The following DLGAP2 variants were observed in gnomAD, a reference collection of about 807,000 sequenced individuals.
DLGAP2 encodes the protein disks large-associated protein 2.
Under a neutral mutation model 100.3 loss-of-function variants are expected in DLGAP2, and 26 were observed. That is an observed-to-expected ratio of 0.26 (90% CI 0.19 to 0.36). The LOEUF is 0.36. Among genes scored for constraint, DLGAP2 ranks in the 10% least tolerant of loss-of-function variants. The pLI is 1.00. For missense variants in DLGAP2, 1,858 were observed against 1,453.2 expected, an observed-to-expected ratio of 1.28 and a Z score of -4.53; for synonymous variants, 886 against 630.1, an observed-to-expected ratio of 1.41 and a Z score of -6.08.
chr8:1,485,995 C>G (rs1420780647), intron 3 of DLGAP2, among the ~76,000 whole-genome samples: 2 of 152,092 alleles, frequency 1.3e-5, no homozygotes, highest in African/African-American at 4.8e-5. Context: ...CCACTGCACT[C>G]CAGCCTGGGT....
At chr8:771,650 T>A (rs923531218) in intron 1 of DLGAP2, among the ~76,000 whole-genome samples, 7 of 152,212 alleles carry the variant, frequency 4.6e-5, no homozygotes, top group Non-Finnish European at 1.0e-4. Flanking sequence ...AACCCCTACC[T>A]TGCTACCCAG....
intron 3 of DLGAP2, among the ~76,000 whole-genome samples, chr8:1,469,637 A>G (rs1224027130): frequency 1.3e-5 from 2 of 152,178 alleles, no homozygotes; most frequent in Non-Finnish European, 2.9e-5. Context: ...TCACCAATGC[A>G]TCTGCCTCAC....
At position 1,494,142 on chromosome 8, in the gene DLGAP2, C is replaced by T. The variant is rs1799476818; in HGVS notation, c.107-7224C>T. Among the ~76,000 whole-genome samples the T allele has an allele frequency of 2.0e-5, 3 of 152,206 alleles. No individual in the cohort carries two copies. In the South Asian group the frequency reaches 6.2e-4, roughly 32 times the overall value. On this transcript the variant is annotated intron_variant, in intron 3 of 14. Coordinates refer to ENST00000637795, the MANE Select transcript of DLGAP2 (RefSeq NM_001346810.2). ...CACAGTGGACGAAAGTGGGTCATGT[C>T]CTTCTCTTGGTGTTTATGAGGTGAT...
At chr8:1,173,668 G>A (rs576688305) in intron 2 of DLGAP2, among the ~76,000 whole-genome samples, 18 of 152,280 alleles carry the variant, frequency 1.2e-4, no homozygotes, top group Admixed American at 3.3e-4. Context: ...CGTTATGGGC[G>A]TAGGACCCTC....
intron 2 of DLGAP2, among the ~76,000 whole-genome samples, chr8:1,095,317 C>T (rs1051342634): frequency 5.3e-5 from 8 of 152,326 alleles, no homozygotes; most frequent in Admixed American, 3.3e-4. Flanking sequence ...GAACCGCTCT[C>T]TCCCCACCAC....
intron 3 of DLGAP2, among the ~76,000 whole-genome samples, chr8:1,349,238 T>C (rs1801645242): frequency 6.6e-6 from 1 of 151,576 alleles, no homozygotes; most frequent in African/African-American, 2.4e-5. Flanking sequence ...GTAGTTGAGA[T>C]ACTTAAACTA....
chr8:1,304,098 T>C (rs1442588485), intron 3 of DLGAP2, among the ~76,000 whole-genome samples: 1 of 152,228 alleles, frequency 6.6e-6, no homozygotes, highest in Non-Finnish European at 1.5e-5. Context: ...TACTGCATTC[T>C]TCAGGGCAGA....
At chr8:1,638,659 C>T (rs553302475) in intron 8 of DLGAP2, among the ~76,000 whole-genome samples, 19 of 152,226 alleles carry the variant, frequency 1.2e-4, no homozygotes, top group Middle Eastern at 3.4e-3. Flanking sequence ...CAGGGGCTCC[C>T]GGCTGAGCTC....
intron 3 of DLGAP2, among the ~76,000 whole-genome samples, chr8:1,421,951 G>C (rs1781723758): frequency 6.6e-6 from 1 of 152,122 alleles, no homozygotes; most frequent in Admixed American, 6.5e-5. Context: ...GGGCGACAAA[G>C]TGAGACTCCA....
At chr8:1,574,867 G>A (rs754702509) in intron 6 of DLGAP2, among the ~76,000 whole-genome samples, 2 of 152,208 alleles carry the variant, frequency 1.3e-5, no homozygotes, top group African/African-American at 2.4e-5. Context: ...TGACTCATGA[G>A]ATTTTGCAAG....
chr8:938,815 G>C (rs558896282), intron 2 of DLGAP2, among the ~76,000 whole-genome samples: 4 of 152,168 alleles, frequency 2.6e-5, no homozygotes, highest in Non-Finnish European at 5.9e-5. Flanking sequence ...CCCAGGTCTC[G>C]GCTCTCATTG....
At chr8:1,032,169 C>T (rs1184458990) in intron 2 of DLGAP2, among the ~76,000 whole-genome samples, 31 of 152,378 alleles carry the variant, frequency 2.0e-4, no homozygotes, top group Admixed American at 2.0e-3. Flanking sequence ...CAAGTTAGCG[C>T]ATCCATCGAC....
chr8:1,113,916 G>T (rs1805037673), intron 2 of DLGAP2, among the ~76,000 whole-genome samples: 2 of 152,052 alleles, frequency 1.3e-5, no homozygotes, highest in South Asian at 4.2e-4. Context: ...AGAGGTATTG[G>T]ATTTTATTAA....
intron 3 of DLGAP2, among the ~76,000 whole-genome samples, chr8:1,358,918 C>T (rs1317072321): frequency 2.0e-5 from 3 of 152,088 alleles, no homozygotes; most frequent in African/African-American, 7.2e-5. Flanking sequence ...GGTGCAGAGG[C>T]CCCAAAGGGA....
chr8:1,173,395 C>T (rs62488985), intron 2 of DLGAP2, among the ~76,000 whole-genome samples: 14,812 of 152,212 alleles, frequency 0.097, 868 homozygotes, highest in East Asian at 0.23. Context: ...GCTAGGAGAA[C>T]CACTGCTCTC....
At chr8:1,036,891 C>CT (rs904384325) in intron 2 of DLGAP2, among the ~76,000 whole-genome samples, 8 of 152,248 alleles carry the variant, frequency 5.3e-5, no homozygotes, top group African/African-American at 1.4e-4. Flanking sequence ...ACATAAGCTG[C>CT]TTTTTTTAGG....
At chr8:1,534,608 A>C (rs1322285348) in intron 4 of DLGAP2, among the ~76,000 whole-genome samples, 1 of 152,246 alleles carries the variant, frequency 6.6e-6, no homozygotes, top group African/African-American at 2.4e-5. Context: ...GTTTTTCTTT[A>C]AAATTAGAAC....
chr8:1,672,836 G>A (rs754233725), intron 10 of DLGAP2, among the ~76,000 whole-genome samples: 7 of 152,194 alleles, frequency 4.6e-5, no homozygotes, highest in Non-Finnish European at 1.0e-4. Flanking sequence ...ATCAGATTCA[G>A]GGCACCTGCC....
intron 12 of DLGAP2, among the ~76,000 whole-genome samples, chr8:1,682,067 C>A (rs2130860940): frequency 6.6e-6 from 1 of 152,346 alleles, no homozygotes; most frequent in South Asian, 2.1e-4. Flanking sequence ...CCCTCCACTG[C>A]CTGCTTCCAT....
Sources: allele counts gnomAD v4.1 joint callset (sites outside exome capture counted in the v4.1 genomes callset), GRCh38; gene constraint gnomAD v4.1.1; transcripts MANE v1.5; gene names NCBI Gene and HGNC (gene_info 2026-07-23, HGNC 2026-07-21).